GFM2: variants seen among roughly 807,000 people sequenced by gnomAD.
GFM2 encodes GTP dependent ribosome recycling factor mitochondrial 2, also known as ribosome-releasing factor 2, mitochondrial.
GFM2 carries 72 observed loss-of-function variants against 95.4 expected under a neutral mutation model. The observed-to-expected ratio is 0.76, with a 90% CI of 0.62 to 0.92. The LOEUF is 0.92. GFM2 is among the 40% of genes least tolerant of loss of function. GFM2 has a pLI of 0.00. For synonymous variants in GFM2, 276 were observed against 317.5 expected (o/e 0.87, Z 1.39); for missense variants, 825 against 924.1 (o/e 0.89, Z 1.39).
intron 19 of GFM2, among the ~76,000 whole-genome samples, chr5:74,723,511 C>T (rs548392496): frequency 2.6e-5 from 4 of 152,248 alleles, no homozygotes; most frequent in South Asian, 4.1e-4. Context: ...CTATTGCTGG[C>T]ATCCTAGGTC....
Position 74,721,257 on chromosome 5 carries a change from GTT to G in GFM2, c.*396_*397del. On this transcript the variant is annotated 3_prime_UTR_variant, in exon 21 of 21. Coordinates refer to ENST00000296805, the MANE Select transcript of GFM2 (RefSeq NM_032380.5). The stretch of plus-strand genomic sequence containing the variant: ...ATCATGTAAAATAAGATATTAGACT[GTT>G]TTTTGAATAAAATATTTTTATTGAT... 5.8e-6 allele frequency: 5 copies of G among 868,906 alleles called. No individual in the cohort carries two copies. The highest frequency in any genetic ancestry group is 8.9e-6 in the Non-Finnish European group (5 of 562,228). 53.8% of individuals were successfully genotyped at this position (868,906 alleles called of 1,614,324 possible).
intron 8 of GFM2, among the ~76,000 whole-genome samples, chr5:74,747,166 T>C (rs1364180029): frequency 6.6e-6 from 1 of 152,216 alleles, no homozygotes; most frequent in African/African-American, 2.4e-5. Context: ...TCTCTGACCA[T>C]GACCAATACA....
intron 16 of GFM2, among the ~76,000 whole-genome samples, chr5:74,732,537 G>A (rs1256839113): frequency 2.0e-5 from 3 of 152,066 alleles, no homozygotes; most frequent in Non-Finnish European, 4.4e-5. Flanking sequence ...CTGTTCTACT[G>A]TGCTATATTA....
At chr5:74,746,235 A>G (rs1743379966) in intron 8 of GFM2, 70 bp from the exon 9 acceptor site, 3 of 770,244 alleles carry the variant, frequency 3.9e-6, no homozygotes, top group East Asian at 6.2e-5. Flanking sequence ...TCAAGAGAGG[A>G]AAAAAAACTC....
At chr5:74,732,535 C>T (rs1393103175) in intron 16 of GFM2, among the ~76,000 whole-genome samples, 3 of 152,184 alleles carry the variant, frequency 2.0e-5, no homozygotes, top group South Asian at 2.1e-4. Flanking sequence ...ATCTGTTCTA[C>T]TGTGCTATAT....
intron 19 of GFM2, 100 bp from the exon 20 acceptor site, chr5:74,722,661 C>A (rs1749963015): frequency 2.2e-6 from 2 of 911,730 alleles, no homozygotes; most frequent in Non-Finnish European, 3.3e-6. Flanking sequence ...TGCTTTAACT[C>A]TCTCTTTAAA....
intron 1 of GFM2, among the ~76,000 whole-genome samples, chr5:74,764,627 T>A (rs1744448836): frequency 6.6e-6 from 1 of 151,506 alleles, no homozygotes; most frequent in South Asian, 2.1e-4. Context: ...ACCATTGTGA[T>A]CCATGTTATT....
At chr5:74,748,909 T>TAAAATAA (rs1561253728) in intron 7 of GFM2, among the ~76,000 whole-genome samples, 1 of 112,600 alleles carries the variant, frequency 8.9e-6, no homozygotes, top group African/African-American at 3.7e-5. Context: ...TAAAATAAAA[T>TAAAATAA]AAAAAAATAA....
In GFM2 at chr5:74,721,418, G is replaced by A. The variant is rs1333868266; in HGVS notation, c.*237C>T. The A allele has an allele frequency of 4.2e-6, 3 of 712,506 alleles. No individual in the cohort carries two copies. The African/African-American group carries it at 5.3e-5, about 13-fold the overall frequency. The allele number at this position is 712,506 out of a possible 1,614,324, so 44.1% of individuals were successfully genotyped here. On this transcript the variant is annotated 3_prime_UTR_variant, in exon 21 of 21. Coordinates refer to ENST00000296805, the MANE Select transcript of GFM2 (RefSeq NM_032380.5). Reference sequence around the variant, plus strand: ...GGCTACTTATAGTAATAACTTCATAGATGAACAGCATGATTCAGGTACAGT... The same window carrying A: ...GGCTACTTATAGTAATAACTTCATAAATGAACAGCATGATTCAGGTACAGT...
intron 5 of GFM2, among the ~76,000 whole-genome samples, chr5:74,757,949 T>C (rs931579312): frequency 7.2e-5 from 11 of 151,904 alleles, no homozygotes; most frequent in Admixed American, 5.9e-4. Context: ...AAGGGGAAAA[T>C]GGGAGTTGTT....
At chr5:74,746,199 T>C (rs1743377834) in intron 8 of GFM2, 34 bp from the exon 9 acceptor site, 7 of 1,223,474 alleles carry the variant, frequency 5.7e-6, no homozygotes, top group Non-Finnish European at 7.7e-6. Flanking sequence ...GTTAAAAACA[T>C]GGTTAAAAAT....
At chr5:74,754,952 C>G (rs753186692) in intron 5 of GFM2, among the ~76,000 whole-genome samples, 2 of 152,042 alleles carry the variant, frequency 1.3e-5, no homozygotes, top group South Asian at 4.2e-4. Context: ...AAAAATTAGC[C>G]GGGCATGATG....
At chr5:74,735,660 G>C (rs1024630779) in intron 15 of GFM2, among the ~76,000 whole-genome samples, 1 of 152,192 alleles carries the variant, frequency 6.6e-6, no homozygotes, top group Non-Finnish European at 1.5e-5. Flanking sequence ...TAATGCAAGA[G>C]AGAACAGAAG....
chr5:74,758,968 G>A (rs758486677), intron 4 of GFM2, 22 bp from the exon 5 acceptor site: 49 of 1,137,998 alleles, frequency 4.3e-5, no homozygotes, highest in Non-Finnish European at 6.0e-5. Context: ...GAAAAAATAA[G>A]GTAAACTTTA....
rs532111687 is a variant in GFM2, at chr5:74,721,284, T to C, written c.*371A>G. ...TTTTTGAATAAAATATTTTTATTGA[T>C]TGAACCTTTGACCCTCTATCTTATT... On this transcript the variant is annotated 3_prime_UTR_variant, in exon 21 of 21. Coordinates refer to ENST00000296805, the MANE Select transcript of GFM2 (RefSeq NM_032380.5). 59 of 924,730 alleles carry C rather than the reference T, an allele frequency of 6.4e-5. No individual in the cohort carries two copies. In the South Asian group the frequency reaches 7.5e-4, roughly 12 times the overall value. 57.3% of individuals were successfully genotyped at this position (924,730 alleles called of 1,614,324 possible).
At chr5:74,733,681 G>A (rs1238115873) in intron 15 of GFM2, among the ~76,000 whole-genome samples, 2 of 152,152 alleles carry the variant, frequency 1.3e-5, no homozygotes, top group African/African-American at 4.8e-5. Context: ...AAAAGTTTGG[G>A]TTTGCACTGC....
chr5:74,741,956 G>A (rs1743131217), intron 10 of GFM2: 1 of 160,680 alleles, frequency 6.2e-6, no homozygotes, highest in Non-Finnish European at 1.4e-5. Context: ...AGATAAATCT[G>A]GAGGTTTTAG....
rs566737134 is a variant in GFM2, at chr5:74,764,408, C to T, written c.-24-642G>A. Among the ~76,000 whole-genome samples, 7 of 152,312 alleles carry T rather than the reference C, an allele frequency of 4.6e-5. No homozygotes were observed. The East Asian group carries it at 1.3e-3, about 29-fold the overall frequency. On this transcript the variant is annotated intron_variant, in intron 1 of 20. Coordinates refer to ENST00000296805, the MANE Select transcript of GFM2 (RefSeq NM_032380.5). ...CATGTTAAACCAAGCTTGTCCAACC[C>T]GTGGCCTGCAGGCCACATGCGGCCC...
chr5:74,759,239 T>C (rs906399468), intron 4 of GFM2, 130 bp downstream of exon 4: 6 of 660,686 alleles, frequency 9.1e-6, no homozygotes, highest in Non-Finnish European at 1.6e-5. Context: ...AGATACATTA[T>C]CAACATCTAC....
Sources: allele counts gnomAD v4.1 joint callset (sites outside exome capture counted in the v4.1 genomes callset), GRCh38; gene constraint gnomAD v4.1.1; transcripts MANE v1.5; gene names NCBI Gene and HGNC (gene_info 2026-07-23, HGNC 2026-07-21).